The following RABGAP1L variants were observed in gnomAD, a reference collection of about 807,000 sequenced individuals.
RABGAP1L encodes RAB GTPase activating protein 1 like, also known as rab GTPase-activating protein 1-like.
RABGAP1L carries 63 observed loss-of-function variants against 137.7 expected under a neutral mutation model. The ratio of observed to expected loss-of-function variants is 0.46; its 90% CI spans 0.37 to 0.56. The LOEUF (loss-of-function observed/expected upper bound fraction) is 0.56. RABGAP1L is among the 20% of genes least tolerant of loss of function. The pLI is 0.00. For missense variants in RABGAP1L, 1,095 were observed against 1,244.0 expected (o/e 0.88, Z 1.80); for synonymous variants, 431 against 433.7 (o/e 0.99, Z 0.08).
rs558586740 is a variant in RABGAP1L, at chr1:174,351,435, A to G, written c.1466-19544A>G. 1.6e-4 allele frequency among the ~76,000 whole-genome samples: 25 copies of G among 152,072 alleles called. No individual in the cohort carries two copies. The South Asian group carries it at 2.1e-3, about 13-fold the overall frequency. On this transcript the variant is annotated intron_variant, in intron 11 of 25. Transcript: ENST00000681986. ...TGCTTCATGTTGGAAGGCTATTTTC[A>G]CTGAATATACTATCCTAAGATTTTT...
chr1:174,892,093 A>G (rs891346656), intron 19 of RABGAP1L, among the ~76,000 whole-genome samples: 1 of 152,212 alleles, frequency 6.6e-6, no homozygotes. Flanking sequence ...CTCTGCGACT[A>G]CACCTCCAAC....
intron 13 of RABGAP1L, among the ~76,000 whole-genome samples, chr1:174,631,860 G>A (rs1040908647): frequency 4.0e-5 from 6 of 150,570 alleles, no homozygotes; most frequent in African/African-American, 1.5e-4. Context: ...TTGCCAGTCT[G>A]TGTCTTTTAA....
At chr1:174,478,031 A>T (rs1167366643) in intron 13 of RABGAP1L, among the ~76,000 whole-genome samples, 2 of 152,156 alleles carry the variant, frequency 1.3e-5, no homozygotes, top group Non-Finnish European at 2.9e-5. Flanking sequence ...GTGGTTAAAA[A>T]ATAAGTTTGT....
intron 13 of RABGAP1L, among the ~76,000 whole-genome samples, chr1:174,588,439 A>G (rs185596066): frequency 1.4e-3 from 206 of 152,306 alleles, no homozygotes; most frequent in Middle Eastern, 0.01. Flanking sequence ...TGTTAGGATT[A>G]TAGGCATGAG....
At chr1:174,543,921 C>A (rs527401211) in intron 13 of RABGAP1L, among the ~76,000 whole-genome samples, 11 of 152,276 alleles carry the variant, frequency 7.2e-5, no homozygotes, top group Admixed American at 2.0e-4. Flanking sequence ...TGAATATTGT[C>A]CCCCACTGTC....
intron 19 of RABGAP1L, among the ~76,000 whole-genome samples, chr1:174,837,292 T>C (rs1692864442): frequency 6.6e-6 from 1 of 152,206 alleles, no homozygotes; most frequent in Admixed American, 6.5e-5. Flanking sequence ...ATCAATAATA[T>C]GTCTATAAGA....
chr1:174,214,732 TG>T (rs1669154082), intron 1 of RABGAP1L, among the ~76,000 whole-genome samples: 1 of 152,062 alleles, frequency 6.6e-6, no homozygotes, highest in South Asian at 2.1e-4. Flanking sequence ...AACATAACAC[TG>T]GGGAAAGGAC....
chr1:174,825,408 C>G (rs1422099760), intron 19 of RABGAP1L, among the ~76,000 whole-genome samples: 1 of 152,216 alleles, frequency 6.6e-6, no homozygotes, highest in Non-Finnish European at 1.5e-5. Context: ...TTTCTACTAA[C>G]TCTTGCTACT....
intron 18 of RABGAP1L, among the ~76,000 whole-genome samples, chr1:174,768,453 G>A (rs1573100110): frequency 6.6e-6 from 1 of 152,188 alleles, no homozygotes; most frequent in African/African-American, 2.4e-5. Context: ...GCAAACTGGT[G>A]GAGTTTAACA....
intron 9 of RABGAP1L, among the ~76,000 whole-genome samples, chr1:174,277,426 T>A (rs1675092637): frequency 6.6e-6 from 1 of 151,870 alleles, no homozygotes; most frequent in African/African-American, 2.4e-5. Flanking sequence ...ATAGTTTTTA[T>A]GTTTTTAATG....
intron 13 of RABGAP1L, among the ~76,000 whole-genome samples, chr1:174,606,574 G>A (rs571897323): frequency 6.6e-6 from 1 of 152,294 alleles, no homozygotes; most frequent in South Asian, 2.1e-4. Flanking sequence ...GACATTTTCA[G>A]TATCTTTGTC....
chr1:174,373,764 A>G (rs1685294870), intron 12 of RABGAP1L, among the ~76,000 whole-genome samples: 1 of 152,164 alleles, frequency 6.6e-6, no homozygotes, highest in African/African-American at 2.4e-5. Context: ...ACTGTACATC[A>G]CTATTACTCA....
intron 19 of RABGAP1L, among the ~76,000 whole-genome samples, chr1:174,839,041 G>GTGTGTT (rs1187181913): frequency 2.0e-5 from 3 of 147,956 alleles, no homozygotes; most frequent in South Asian, 2.2e-4. Context: ...GTGTGTGTGT[G>GTGTGTT]TGTGTGTGTG....
chr1:174,447,866 A>C, intron 13 of RABGAP1L, among the ~76,000 whole-genome samples: 1 of 150,416 alleles, frequency 6.6e-6, no homozygotes, highest in African/African-American at 2.5e-5. Context: ...TTTCTAGCTT[A>C]TCCCCTTCTC....
At chr1:174,699,817 GTTTA>G (rs1679515191) in intron 16 of RABGAP1L, among the ~76,000 whole-genome samples, 167 bp downstream of exon 16, 3 of 152,088 alleles carry the variant, frequency 2.0e-5, no homozygotes, top group South Asian at 2.1e-4. Context: ...ATCATAATAT[GTTTA>G]TTTAGCCATT....
intron 13 of RABGAP1L, among the ~76,000 whole-genome samples, chr1:174,592,851 A>G (rs372822632): frequency 3.0e-4 from 20 of 67,620 alleles, no homozygotes; most frequent in Non-Finnish European, 3.5e-4. Flanking sequence ...TTGGTATCAG[A>G]ATGATGCTGG....
intron 17 of RABGAP1L, among the ~76,000 whole-genome samples, chr1:174,744,091 A>T (rs991136322): frequency 5.7e-4 from 10 of 17,428 alleles, no homozygotes; most frequent in South Asian, 3.6e-3. Flanking sequence ...TGAAATACGT[A>T]AAAAAAAAAA....
At chr1:174,493,358 A>G (rs1558281234) in intron 13 of RABGAP1L, among the ~76,000 whole-genome samples, 8 of 150,946 alleles carry the variant, frequency 5.3e-5, no homozygotes, top group Admixed American at 4.0e-4. Context: ...AGAGAAAAAT[A>G]TATAAGAAAA....
intron 13 of RABGAP1L, among the ~76,000 whole-genome samples, chr1:174,457,056 A>T (rs1176804621): frequency 1.3e-5 from 2 of 152,182 alleles, no homozygotes; most frequent in African/African-American, 4.8e-5. Context: ...TAAGCAGGAA[A>T]ATTAATTTCT....
Sources: allele counts gnomAD v4.1 joint callset (sites outside exome capture counted in the v4.1 genomes callset), GRCh38; gene constraint gnomAD v4.1.1; transcripts MANE v1.5; gene names NCBI Gene and HGNC (gene_info 2026-07-23, HGNC 2026-07-21).